FNDC3A: variants seen among roughly 807,000 people sequenced by gnomAD.
The protein encoded by FNDC3A is fibronectin type III domain containing 3A.
Under a neutral mutation model 148.9 loss-of-function variants are expected in FNDC3A, and 32 were observed. The ratio of observed to expected loss-of-function variants is 0.21; its 90% CI spans 0.16 to 0.29. FNDC3A has a LOEUF of 0.29. Ranked by LOEUF, FNDC3A falls within the 10% of genes least tolerant of loss-of-function variation. The pLI is 1.00. For synonymous variants in FNDC3A, 472 were observed against 473.6 expected, an observed-to-expected ratio of 1.00 and a Z score of 0.04; for missense variants, 1,191 against 1,452.8, an observed-to-expected ratio of 0.82 and a Z score of 2.93.
intron 2 of FNDC3A, among the ~76,000 whole-genome samples, chr13:49,070,842 C>T (rs1877613894): frequency 6.6e-6 from 1 of 151,164 alleles, no homozygotes; most frequent in Admixed American, 6.6e-5. Context: ...AACATAACGA[C>T]CTCAATTTCC....
At position 49,118,659 on chromosome 13, in the gene FNDC3A, G is replaced by C. The variant is rs561781442; in HGVS notation, c.252+3928G>C. ...TCTGAAGTCCACCTGGGACACTCAA[G>C]CTTGATGGGGGAGGGGCGTCTGCCA... is the stretch of plus-strand genomic sequence containing the variant. On this transcript the variant is annotated intron_variant, in intron 4 of 25. Coordinates refer to ENST00000492622, the MANE Select transcript of FNDC3A (RefSeq NM_001079673.2). Among the ~76,000 whole-genome samples the C allele has an allele frequency of 3.9e-5, 6 of 152,302 alleles. No individual in the cohort carries two copies. The South Asian group carries it at 1.2e-3, about 32-fold the overall frequency.
At chr13:49,068,163 G>A (rs140017689) in intron 2 of FNDC3A, among the ~76,000 whole-genome samples, 86 of 147,214 alleles carry the variant, frequency 5.8e-4, no homozygotes, top group African/African-American at 1.7e-3. Context: ...GCAAAACCCC[G>A]TCTTTATTTA....
At chr13:49,171,360 G>A (rs1394419226) in intron 10 of FNDC3A, among the ~76,000 whole-genome samples, 1 of 152,076 alleles carries the variant, frequency 6.6e-6, no homozygotes, top group East Asian at 1.9e-4. Context: ...AAAGTCAATT[G>A]TCTGCAAATA....
At chr13:49,150,713 G>A (rs560950879) in intron 8 of FNDC3A, among the ~76,000 whole-genome samples, 17 of 152,196 alleles carry the variant, frequency 1.1e-4, no homozygotes, top group East Asian at 5.8e-4. Flanking sequence ...TTGGGAAGCC[G>A]AGGTGGGCAG....
intron 2 of FNDC3A, chr13:49,045,470 T>TA (rs370239077): frequency 1.6e-3 from 303 of 192,814 alleles, no homozygotes; most frequent in Middle Eastern, 6.3e-3. Flanking sequence ...CTACTTTCAT[T>TA]AAAAAAAAAT....
chr13:49,071,362 T>C (rs1042544210), intron 2 of FNDC3A, among the ~76,000 whole-genome samples: 1 of 152,194 alleles, frequency 6.6e-6, no homozygotes, highest in African/African-American at 2.4e-5. Flanking sequence ...CTCTTTGATA[T>C]ACTGATTTCC....
At chr13:49,150,301 T>A (rs1329578263) in intron 8 of FNDC3A, among the ~76,000 whole-genome samples, 1 of 152,192 alleles carries the variant, frequency 6.6e-6, no homozygotes, top group African/African-American at 2.4e-5. Flanking sequence ...TTTCTTCCAC[T>A]AATTTTGGAT....
At chr13:49,032,326 A>G (rs887941243) in intron 2 of FNDC3A, among the ~76,000 whole-genome samples, 3 of 152,238 alleles carry the variant, frequency 2.0e-5, no homozygotes, top group Non-Finnish European at 4.4e-5. Context: ...GTCCATGTAA[A>G]AAAATGAACA....
chr13:49,117,119 A>G lies in FNDC3A; in HGVS notation c.252+2388A>G, dbSNP rs116172303. Among the ~76,000 whole-genome samples the G allele has an allele frequency of 2.1e-3, 314 of 152,340 alleles. 1 individual carries two copies. The highest frequency in any genetic ancestry group is 7.3e-3 in the African/African-American group (302 of 41,572). The stretch of plus-strand genomic sequence containing the variant: ...CTCAATGCCAAGTATATAGCCTGTC[A>G]TATAGTAGGAGCTCAGTAAATATTT... On this transcript the variant is annotated intron_variant, in intron 4 of 25. Transcript: ENST00000492622.
At chr13:49,202,332 C>A (rs1886456022) in intron 24 of FNDC3A, among the ~76,000 whole-genome samples, 1 of 152,134 alleles carries the variant, frequency 6.6e-6, no homozygotes, top group Non-Finnish European at 1.5e-5. Context: ...ATTTGGATTT[C>A]AGAAGGAAAG....
intron 4 of FNDC3A, among the ~76,000 whole-genome samples, chr13:49,125,481 T>G (rs946800667): frequency 6.6e-6 from 1 of 152,164 alleles, no homozygotes; most frequent in African/African-American, 2.4e-5. Context: ...GAGCTTAAAG[T>G]TGGAATAGTT....
intron 13 of FNDC3A, among the ~76,000 whole-genome samples, chr13:49,177,122 T>C (rs766625435): frequency 1.3e-5 from 2 of 152,142 alleles, no homozygotes; most frequent in African/African-American, 4.8e-5. Context: ...TTTCTTTTGA[T>C]GTGAAGGGGG....
intron 3 of FNDC3A, among the ~76,000 whole-genome samples, chr13:49,094,116 A>G (rs1445915285): frequency 6.6e-6 from 1 of 152,154 alleles, no homozygotes; most frequent in African/African-American, 2.4e-5. Flanking sequence ...TGATTACCCT[A>G]AATGGCAGAG....
chr13:49,169,295 T>A (rs1013727887), intron 10 of FNDC3A, among the ~76,000 whole-genome samples: 2 of 152,222 alleles, frequency 1.3e-5, no homozygotes, highest in African/African-American at 4.8e-5. Flanking sequence ...TTTTCTGAAA[T>A]AGTGTGGACT....
chr13:49,189,573 G>A (rs987837129), intron 17 of FNDC3A, among the ~76,000 whole-genome samples: 4 of 151,430 alleles, frequency 2.6e-5, no homozygotes, highest in East Asian at 3.9e-4. Context: ...GAAATTTAAT[G>A]CAATGAAAGT....
intron 10 of FNDC3A, 102 bp downstream of exon 10, chr13:49,168,853 T>C (rs1884616578): frequency 9.3e-7 from 1 of 1,072,352 alleles, no homozygotes; most frequent in Admixed American, 2.2e-5. Flanking sequence ...AGCTTTAATT[T>C]GTTCCTGCTT....
chr13:48,986,231 T>TATTTA (rs1241645798), intron 1 of FNDC3A, among the ~76,000 whole-genome samples: 7 of 152,090 alleles, frequency 4.6e-5, no homozygotes, highest in African/African-American at 1.7e-4. Context: ...TATAAAGTTA[T>TATTTA]AATTTCGAAT....
chr13:49,190,915 C>A, intron 17 of FNDC3A, 100 bp from the exon 18 acceptor site: 2 of 666,020 alleles, frequency 3.0e-6, no homozygotes, highest in African/African-American at 1.8e-5. Context: ...TTCAAATTAT[C>A]AGTGCAATAT....
intron 2 of FNDC3A, among the ~76,000 whole-genome samples, chr13:49,012,472 C>T (rs1952369883): frequency 6.6e-6 from 1 of 152,054 alleles, no homozygotes. Context: ...GCAAACCATC[C>T]CACCTTATTC....
Sources: allele counts gnomAD v4.1 joint callset (sites outside exome capture counted in the v4.1 genomes callset), GRCh38; gene constraint gnomAD v4.1.1; transcripts MANE v1.5; gene names NCBI Gene and HGNC (gene_info 2026-07-23, HGNC 2026-07-21).